SLC44A5: variants seen among roughly 807,000 people sequenced by gnomAD.
The protein encoded by SLC44A5 is solute carrier family 44 member 5.
Under a neutral mutation model 101.8 loss-of-function variants are expected in SLC44A5, and 57 were observed. The observed-to-expected ratio is 0.56, with a 90% CI of 0.45 to 0.70. The LOEUF (loss-of-function observed/expected upper bound fraction) is 0.70. SLC44A5 is among the 30% of genes least tolerant of loss of function. SLC44A5 has a pLI of 0.00. For synonymous variants in SLC44A5, 281 were observed against 290.9 expected, an observed-to-expected ratio of 0.97 and a Z score of 0.35; for missense variants, 737 against 853.1, an observed-to-expected ratio of 0.86 and a Z score of 1.70.
chr1:75,586,231 T>C (rs530613492), intron 1 of SLC44A5, among the ~76,000 whole-genome samples: 118 of 152,106 alleles, frequency 7.8e-4, no homozygotes, highest in Non-Finnish European at 1.4e-3. Context: ...AGCTGGGATG[T>C]CAGTCTTCTG....
At chr1:75,281,584 G>T (rs1652559104) in intron 5 of SLC44A5, among the ~76,000 whole-genome samples, 1 of 140,584 alleles carries the variant, frequency 7.1e-6, no homozygotes, top group Non-Finnish European at 1.5e-5. Flanking sequence ...CAGCCCCTCT[G>T]ATCACAGGCT....
intron 7 of SLC44A5, among the ~76,000 whole-genome samples, chr1:75,249,271 C>A (rs148704431): frequency 2.0e-5 from 3 of 151,894 alleles, no homozygotes; most frequent in Admixed American, 2.0e-4. Context: ...GTATAGTTAC[C>A]GGCACATGGA....
At chr1:75,224,826 A>G (rs927844950) in intron 13 of SLC44A5, among the ~76,000 whole-genome samples, 5 of 152,064 alleles carry the variant, frequency 3.3e-5, no homozygotes, top group African/African-American at 1.2e-4. Context: ...ATGTAAAGAA[A>G]GAAGATGTTT....
the SLC44A5 span, among the ~76,000 whole-genome samples, chr1:75,689,875 G>T: frequency 6.6e-6 from 1 of 152,072 alleles, no homozygotes; most frequent in Non-Finnish European, 1.5e-5. Context: ...TGTCTTCTAG[G>T]TTGCAACAGT....
chr1:75,367,555 T>C (rs752488220), intron 3 of SLC44A5, among the ~76,000 whole-genome samples: 1 of 152,186 alleles, frequency 6.6e-6, no homozygotes, highest in Non-Finnish European at 1.5e-5. Flanking sequence ...GACCTGGAGT[T>C]GGGTCACATA....
chr1:75,677,343 T>G, the SLC44A5 span, among the ~76,000 whole-genome samples: 7 of 152,160 alleles, frequency 4.6e-5, no homozygotes, highest in Non-Finnish European at 1.0e-4. Flanking sequence ...AAAGAAAAAG[T>G]GTTGAGTTTT....
At chr1:75,384,224 A>T (rs1190704133) in intron 3 of SLC44A5, among the ~76,000 whole-genome samples, 2 of 152,218 alleles carry the variant, frequency 1.3e-5, no homozygotes, top group Non-Finnish European at 2.9e-5. Context: ...TTTACATGTA[A>T]ATGGACTAAA....
At chr1:75,573,995 A>G (rs1448798522) in intron 1 of SLC44A5, among the ~76,000 whole-genome samples, 2 of 152,212 alleles carry the variant, frequency 1.3e-5, no homozygotes, top group African/African-American at 4.8e-5. Context: ...AAATCTGAAG[A>G]CTGTCAGCGA....
chr1:75,292,901 G>T (rs1433133358), intron 5 of SLC44A5, among the ~76,000 whole-genome samples: 1 of 152,184 alleles, frequency 6.6e-6, no homozygotes, highest in South Asian at 2.1e-4. Context: ...GTGTTCAAGA[G>T]CACAGGCTCT....
At chr1:75,326,186 A>G (rs1226971685) in intron 4 of SLC44A5, among the ~76,000 whole-genome samples, 1 of 150,540 alleles carries the variant, frequency 6.6e-6, no homozygotes, top group African/African-American at 2.4e-5. Flanking sequence ...TATACATAAA[A>G]CCTGCCAGAG....
At chr1:75,242,437 G>C (rs1453140873) in intron 8 of SLC44A5, among the ~76,000 whole-genome samples, 1 of 151,782 alleles carries the variant, frequency 6.6e-6, no homozygotes, top group Non-Finnish European at 1.5e-5. Flanking sequence ...TGATGATTTA[G>C]AATTCTCTTA....
At chr1:75,331,766 C>G (rs148903512) in intron 4 of SLC44A5, among the ~76,000 whole-genome samples, 1 of 152,270 alleles carries the variant, frequency 6.6e-6, no homozygotes, top group African/African-American at 2.4e-5. Context: ...CCTCTCTGCT[C>G]CCTGCACTAA....
At chr1:75,352,159 C>T (rs1258008646) in intron 3 of SLC44A5, among the ~76,000 whole-genome samples, 4 of 152,044 alleles carry the variant, frequency 2.6e-5, no homozygotes, top group South Asian at 2.1e-4. Context: ...TTTTAAGATA[C>T]TTTCTGTGCT....
chr1:75,385,773 C>A (rs1385692759), intron 3 of SLC44A5, among the ~76,000 whole-genome samples: 1 of 152,018 alleles, frequency 6.6e-6, no homozygotes, highest in African/African-American at 2.4e-5. Context: ...AATTTTAGAC[C>A]AATATCCTTG....
At chr1:75,350,711 G>A (rs1287529984) in intron 3 of SLC44A5, among the ~76,000 whole-genome samples, 1 of 151,614 alleles carries the variant, frequency 6.6e-6, no homozygotes. Flanking sequence ...TGGCCAACAT[G>A]GTGAAACCCT....
chr1:75,388,973 T>C (rs1164186914), intron 3 of SLC44A5, among the ~76,000 whole-genome samples: 1 of 152,024 alleles, frequency 6.6e-6, no homozygotes, highest in African/African-American at 2.4e-5. Flanking sequence ...GAATGACTTT[T>C]GGGATAGAAA....
At chr1:75,356,970 A>G (rs1389243866) in intron 3 of SLC44A5, among the ~76,000 whole-genome samples, 2 of 152,192 alleles carry the variant, frequency 1.3e-5, no homozygotes, top group Non-Finnish European at 2.9e-5. Context: ...TTGTCTACGT[A>G]CATGCTATGA....
At chr1:75,541,736 C>T (rs1250792394) in intron 1 of SLC44A5, among the ~76,000 whole-genome samples, 1 of 152,116 alleles carries the variant, frequency 6.6e-6, no homozygotes, top group Non-Finnish European at 1.5e-5. Flanking sequence ...ATTCTTAGTG[C>T]CACAGCTTCC....
At chr1:75,664,859 T>G in the SLC44A5 span, among the ~76,000 whole-genome samples, 1 of 149,818 alleles carries the variant, frequency 6.7e-6, no homozygotes, top group African/African-American at 2.5e-5. Context: ...AGGCTGAGCT[T>G]GCAGTGAGCA....
Sources: gnomAD v4.1 joint callset for allele counts (sites outside exome capture counted in the v4.1 genomes callset) on GRCh38, gnomAD v4.1.1 for gene constraint, MANE v1.5 for transcripts, NCBI Gene and HGNC (gene_info 2026-07-23, HGNC 2026-07-21) for gene names.